The following ARHGAP39 variants were observed in gnomAD, a reference collection of about 807,000 sequenced individuals.
ARHGAP39 encodes the protein Rho GTPase activating protein 39.
In ARHGAP39, 44 loss-of-function variants were observed where a neutral mutation model predicts 106.9. That is an observed-to-expected ratio of 0.41 (90% CI 0.32 to 0.53). The LOEUF is 0.53. Among genes scored for constraint, ARHGAP39 ranks in the 20% least tolerant of loss-of-function variants. The probability of loss-of-function intolerance (pLI) is 0.21; values close to 1 mark genes in which losing one functional copy is unlikely to be tolerated. For synonymous variants in ARHGAP39, 768 were observed against 693.2 expected (o/e 1.11, Z -1.69); for missense variants, 1,496 against 1,577.3 (o/e 0.95, Z 0.87).
Position 144,646,187 on chromosome 8 carries a change from G to A in ARHGAP39, c.-82+39499C>T, listed in dbSNP as rs1821438982. ...AAGGGCACAGGCCACCGGAGGGGAT[G>A]TGGATGTTCTCTCTGTGCAGACAGG... On this transcript the variant is annotated intron_variant, in intron 1 of 11. Coordinates refer to ENST00000377307, the MANE Select transcript of ARHGAP39 (RefSeq NM_025251.3). The surrounding 1 kb of genome is among the most constrained non-coding windows in gnomAD (Gnocchi z 5.7). Among the ~76,000 whole-genome samples the A allele has an allele frequency of 6.6e-6, 1 of 152,182 alleles. No individual in the cohort carries two copies. The highest frequency in any genetic ancestry group is 2.1e-4 in the South Asian group (1 of 4,834).
In ARHGAP39 at chr8:144,555,553, G is replaced by A; in HGVS notation, c.596+7C>T. ...ACAAACGGCCACGCCTGAGAGATGG[G>A]TTCTACCTGTAGTGAAGAAGCTGGC... On this transcript the variant is annotated splice_region_variant and intron_variant, in intron 4 of 11. Coordinates refer to ENST00000377307, the MANE Select transcript of ARHGAP39 (RefSeq NM_025251.3). The A allele has an allele frequency of 6.2e-7, 1 of 1,613,354 alleles. No individual in the cohort carries two copies. Among genetic ancestry groups the A allele is most frequent in the Non-Finnish European group, 8.5e-7 (1 of 1,179,478 alleles).
At chr8:144,612,008 T>TA (rs554351101) in intron 1 of ARHGAP39, among the ~76,000 whole-genome samples, 5,885 of 109,776 alleles carry the variant, frequency 0.054, 165 homozygotes, top group Admixed American at 0.096. Context: ...AAACTCCATG[T>TA]AAAAAAAAAA....
At chr8:144,659,252 GC>G (rs1821767042) in intron 1 of ARHGAP39, among the ~76,000 whole-genome samples, 3 of 152,144 alleles carry the variant, frequency 2.0e-5, no homozygotes, top group Admixed American at 6.5e-5. Flanking sequence ...GCTGACCAGA[GC>G]CATTAGCCTA....
At chr8:144,619,859 CGA>C (rs367833084) in intron 1 of ARHGAP39, among the ~76,000 whole-genome samples, 96 of 123,380 alleles carry the variant, frequency 7.8e-4, no homozygotes, top group African/African-American at 1.4e-3. Flanking sequence ...CTTGTGTGTC[CGA>C]GAGAGCGTGA....
At chr8:144,657,148 CT>C (rs1251761059) in intron 1 of ARHGAP39, among the ~76,000 whole-genome samples, 1 of 151,868 alleles carries the variant, frequency 6.6e-6, no homozygotes. Flanking sequence ...AATTCCAGCA[CT>C]TTTGCAGGCC....
intron 1 of ARHGAP39, among the ~76,000 whole-genome samples, chr8:144,673,392 A>G (rs961928041): frequency 1.3e-5 from 2 of 152,214 alleles, no homozygotes; most frequent in Non-Finnish European, 2.9e-5. Flanking sequence ...AGCTTCATTG[A>G]GATAGAATTC....
At chr8:144,616,496 G>A (rs148303636) in intron 1 of ARHGAP39, among the ~76,000 whole-genome samples, 71 of 152,320 alleles carry the variant, frequency 4.7e-4, no homozygotes, top group African/African-American at 1.5e-3. Flanking sequence ...CTAGGAGGCC[G>A]CCTGGTCAAA....
At chr8:144,636,821 C>G (rs1033660576) in intron 1 of ARHGAP39, among the ~76,000 whole-genome samples, 72 of 152,250 alleles carry the variant, frequency 4.7e-4, no homozygotes, top group African/African-American at 1.6e-3. Context: ...AAAAAAGATG[C>G]CTGAGGCCTT....
At chr8:144,674,310 AC>A (rs1353289259) in intron 1 of ARHGAP39, among the ~76,000 whole-genome samples, 2 of 152,094 alleles carry the variant, frequency 1.3e-5, no homozygotes, top group Non-Finnish European at 2.9e-5. Context: ...CTCTTGGGAG[AC>A]CCACAGTGGG....
At position 144,646,621 on chromosome 8, in the gene ARHGAP39, C is replaced by T. The variant is rs923101257; in HGVS notation, c.-82+39065G>A. ...ACCACCGCACAATGTTAGAGCTCTG[C>T]GCCTGGGCTACCTTCATTAAAAGTG... On this transcript the variant is annotated intron_variant, in intron 1 of 11. Coordinates refer to ENST00000377307, the MANE Select transcript of ARHGAP39 (RefSeq NM_025251.3). This position sits in a 1 kb window ranked among gnomAD's most constrained non-coding sequence, Gnocchi z 5.7. Among the ~76,000 whole-genome samples, 5 of 152,140 alleles carry T rather than the reference C, an allele frequency of 3.3e-5. No homozygotes were observed. Among genetic ancestry groups the T allele is most frequent in the Admixed American group, 6.5e-5 (1 of 15,276 alleles).
intron 1 of ARHGAP39, among the ~76,000 whole-genome samples, chr8:144,657,918 T>C (rs1821736021): frequency 1.3e-5 from 2 of 151,914 alleles, no homozygotes; most frequent in Admixed American, 6.6e-5. Context: ...CAACTGGGGA[T>C]TGAAAATATT....
At chr8:144,630,107 A>G (rs1162541429) in intron 1 of ARHGAP39, among the ~76,000 whole-genome samples, 4 of 152,132 alleles carry the variant, frequency 2.6e-5, no homozygotes, top group African/African-American at 7.2e-5. Context: ...AACATGCTTG[A>G]GGCCCAGAGC....
rs1247205407 is a variant in ARHGAP39 at position 144,548,011 on chromosome 8, G to C, written c.1075C>G (p.Pro359Ala). The change falls in exon 5 of 12, where the codon CCC becomes GCC. Residue 359 changes from proline (P) to alanine (A), a missense_variant. Pro to Ala is a conservative substitution (Grantham distance 27, BLOSUM62 -1). This residue lies in a region of ARHGAP39 where 905 missense variants were observed against 816.4 expected (regional missense o/e 1.11). Transcript: ENST00000377307. This position sits in a 1 kb window ranked among gnomAD's most constrained non-coding sequence, Gnocchi z 7.4. ...GGCGAGGGGGGGCCCTGCTTGTTGGGCTGGAGGAACGGCCGGGGCTTACGG... is the reference window on the plus strand; with the variant it reads ...GGCGAGGGGGGGCCCTGCTTGTTGGCCTGGAGGAACGGCCGGGGCTTACGG... ...PGRKPRPFLQ[P>A]NKQGPPSPCQ... 1.9e-6 allele frequency: 3 copies of C among 1,609,904 alleles called. No homozygotes were observed. Among genetic ancestry groups the C allele is most frequent in the Non-Finnish European group, 2.5e-6 (3 of 1,179,124 alleles).
Position 144,534,287 on chromosome 8 carries a change from A to T in ARHGAP39, c.2615-85T>A. ...GGGGTGAGCAGACACAGCTCCTTCG[A>T]GGGCCCTGGGGGGCTGGGCTGGCCT... On this transcript the variant is annotated intron_variant, in intron 7 of 11. Transcript: ENST00000377307. The T allele has an allele frequency of 2.0e-6, 3 of 1,507,458 alleles. No individual in the cohort carries two copies. The East Asian group carries it at 6.8e-5, about 34-fold the overall frequency. 93.4% of individuals were successfully genotyped at this position (1,507,458 alleles called of 1,614,324 possible).
chr8:144,621,513 T>C (rs1820806816), intron 1 of ARHGAP39, among the ~76,000 whole-genome samples: 1 of 152,182 alleles, frequency 6.6e-6, no homozygotes, highest in South Asian at 2.1e-4. Flanking sequence ...GGGCAGGGCC[T>C]GGCAGGTGGG....
intron 1 of ARHGAP39, among the ~76,000 whole-genome samples, chr8:144,652,003 C>A (rs1370599303): frequency 6.6e-6 from 1 of 152,028 alleles, no homozygotes; most frequent in African/African-American, 2.4e-5. Flanking sequence ...ATCCTAGACA[C>A]AGGAATAGGA....
chr8:144,532,432 C>T, intron 9 of ARHGAP39, 36 bp from the exon 10 acceptor site: 2 of 1,578,656 alleles, frequency 1.3e-6, no homozygotes, highest in Non-Finnish European at 8.7e-7. Context: ...GCAACAGGAG[C>T]CTGTGCTGCG....
At chr8:144,607,947 G>A (rs954394723) in intron 1 of ARHGAP39, among the ~76,000 whole-genome samples, 3 of 151,934 alleles carry the variant, frequency 2.0e-5, no homozygotes, top group Admixed American at 6.6e-5. Context: ...ATTTGAGGTC[G>A]GGGGTTCAAG....
intron 4 of ARHGAP39, among the ~76,000 whole-genome samples, chr8:144,554,366 C>T (rs926304517): frequency 1.3e-5 from 2 of 152,224 alleles, no homozygotes; most frequent in Non-Finnish European, 2.9e-5. Context: ...CTCACCTCAC[C>T]TGGGACACTG....
Sources: gnomAD v4.1 joint callset for allele counts (sites outside exome capture counted in the v4.1 genomes callset) on GRCh38, gnomAD v4.1.1 for gene constraint, gnomAD v4.1.1 regional missense constraint, Gnocchi (gnomAD v3.1) non-coding constraint, MANE v1.5 for transcripts, NCBI Gene and HGNC (gene_info 2026-07-23, HGNC 2026-07-21) for gene names.